Variants in BCL2L13 observed in about 807,000 individuals in gnomAD.
BCL2L13 encodes the protein BCL2 like 13.
A neutral mutation model predicts 25.8 loss-of-function variants in BCL2L13; 13 were observed. That is an observed-to-expected ratio of 0.50 (90% CI 0.33 to 0.80). The LOEUF (loss-of-function observed/expected upper bound fraction) is 0.80. BCL2L13 is among the 30% of genes least tolerant of loss of function. The pLI is 0.02. For synonymous variants in BCL2L13, 244 were observed against 230.3 expected, an observed-to-expected ratio of 1.06 and a Z score of -0.54; for missense variants, 504 against 574.9, an observed-to-expected ratio of 0.88 and a Z score of 1.26.
In BCL2L13 at chr22:17,727,857, G is replaced by T; in HGVS notation, c.*323G>T. 2.9e-6 allele frequency: 1 copy of T among 338,992 alleles called. No individual in the cohort carries two copies. Among genetic ancestry groups the T allele is most frequent in the Non-Finnish European group, 5.5e-6 (1 of 181,528 alleles). The allele number at this position is 338,992 out of a possible 1,614,324, so 21.0% of individuals were successfully genotyped here. A position where few individuals can be genotyped will look rare whatever the true frequency, so the allele number is the denominator to read the frequency against. On this transcript the variant is annotated 3_prime_UTR_variant, in exon 7 of 7. Transcript: ENST00000317582. ...GTGTTGGGGCTGTCCTGTGTGTGGTGGGCTCCACCCACTAGATGCCAGTGG... is the reference window on the plus strand; with the variant it reads ...GTGTTGGGGCTGTCCTGTGTGTGGTTGGCTCCACCCACTAGATGCCAGTGG...
chr22:17,645,224 GATT>G (rs1195141990), intron 1 of BCL2L13, among the ~76,000 whole-genome samples: 1 of 124,034 alleles, frequency 8.1e-6, no homozygotes, highest in Non-Finnish European at 1.6e-5. Flanking sequence ...CTAATAGTAG[GATT>G]TTTTTTTTTT....
chr22:17,687,796 C>T (rs1034401933), intron 3 of BCL2L13, among the ~76,000 whole-genome samples: 11 of 149,258 alleles, frequency 7.4e-5, no homozygotes, highest in African/African-American at 2.7e-4. Context: ...GGATTACAGG[C>T]GTGAGCCACC....
At chr22:17,651,669 C>T (rs1431302333) in intron 1 of BCL2L13, among the ~76,000 whole-genome samples, 1 of 151,618 alleles carries the variant, frequency 6.6e-6, no homozygotes, top group African/African-American at 2.4e-5. Context: ...AGGCGTGAGC[C>T]ACTGCGTCCA....
intron 1 of BCL2L13, among the ~76,000 whole-genome samples, chr22:17,651,224 T>A (rs2058673692): frequency 6.6e-6 from 1 of 151,774 alleles, no homozygotes. Flanking sequence ...GGTCTTGAAC[T>A]CCTGACCTCG....
chr22:17,684,632 C>T (rs768817477), intron 3 of BCL2L13: 32 of 452,256 alleles, frequency 7.1e-5, no homozygotes, highest in South Asian at 1.2e-4. Context: ...GGCACCATCT[C>T]GGCCCACCAC....
At position 17,729,408 on chromosome 22, in the gene BCL2L13, C is replaced by T. The variant is rs981984802; in HGVS notation, c.*1874C>T. The T allele has an allele frequency of 1.3e-5, 2 of 152,084 alleles. No homozygotes were observed. Among genetic ancestry groups the T allele is most frequent in the African/African-American group, 2.4e-5 (1 of 41,402 alleles). 9.4% of individuals were successfully genotyped at this position (152,084 alleles called of 1,614,324 possible). A position where few individuals can be genotyped will look rare whatever the true frequency, so the allele number is the denominator to read the frequency against. On this transcript the variant is annotated 3_prime_UTR_variant, in exon 7 of 7. Transcript: ENST00000317582. ...GCAATGATTTTTTTCTTCATGGGCTCTGATAGTTGCATTGATTGTTCTGTA... is the reference window on the plus strand; with the variant it reads ...GCAATGATTTTTTTCTTCATGGGCTTTGATAGTTGCATTGATTGTTCTGTA...
intron 2 of BCL2L13, among the ~76,000 whole-genome samples, chr22:17,657,823 CTTTTTTTTTTT>C (rs71201859): frequency 3.5e-5 from 3 of 85,772 alleles, no homozygotes; most frequent in African/African-American, 4.4e-5. Context: ...GTTGACATTT[CTTTTTTTTTTT>C]TTTTTTTTTT....
intron 2 of BCL2L13, among the ~76,000 whole-genome samples, chr22:17,680,103 A>G (rs1443734714): frequency 6.7e-6 from 1 of 150,368 alleles, no homozygotes; most frequent in Non-Finnish European, 1.5e-5. Flanking sequence ...AATTCCAGCT[A>G]CTCGGGAGGG....
chr22:17,630,818 C>G (rs934496561), intron 1 of BCL2L13, among the ~76,000 whole-genome samples: 1 of 151,174 alleles, frequency 6.6e-6, no homozygotes, highest in African/African-American at 2.4e-5. Context: ...CTTGAACTCC[C>G]GACCTCAGGT....
chr22:17,688,037 C>T (rs1456436502), intron 3 of BCL2L13, among the ~76,000 whole-genome samples: 2 of 151,794 alleles, frequency 1.3e-5, no homozygotes, highest in African/African-American at 2.4e-5. Context: ...AAGCTGGTCT[C>T]GAACTCCTGA....
intron 2 of BCL2L13, among the ~76,000 whole-genome samples, chr22:17,671,402 A>G (rs1275787103): frequency 5.3e-5 from 8 of 150,346 alleles, no homozygotes; most frequent in African/African-American, 2.0e-4. Flanking sequence ...TCAAAAAAAA[A>G]AAAAAAAAAA....
intron 2 of BCL2L13, among the ~76,000 whole-genome samples, chr22:17,666,324 G>T (rs1056351151): frequency 1.3e-5 from 2 of 151,982 alleles, no homozygotes; most frequent in African/African-American, 4.8e-5. Flanking sequence ...AGGGAATGGG[G>T]TATCCGTCCC....
At chr22:17,641,868 C>T (rs1277049107) in intron 1 of BCL2L13, among the ~76,000 whole-genome samples, 3 of 148,914 alleles carry the variant, frequency 2.0e-5, no homozygotes, top group Admixed American at 1.4e-4. Flanking sequence ...GGTGCCATCT[C>T]GACTCACTGC....
chr22:17,645,131 C>T (rs926103854), intron 1 of BCL2L13, among the ~76,000 whole-genome samples: 2 of 150,686 alleles, frequency 1.3e-5, no homozygotes, highest in African/African-American at 2.5e-5. Context: ...TTTAAATAGG[C>T]ATCCAAAGTA....
At position 17,696,224 on chromosome 22, in the gene BCL2L13, G is replaced by A. The variant is rs761633953; in HGVS notation, c.456+14G>A. 1 of 1,607,932 alleles carries A rather than the reference G, an allele frequency of 6.2e-7. No homozygotes were observed. Among genetic ancestry groups the A allele is most frequent in the African/African-American group, 1.3e-5 (1 of 74,940 alleles). ...GGCTGGAATAAGGTATCATCACAAT[G>A]ATCTTTTCTCTTAAAAGATTTTAGT... On this transcript the variant is annotated intron_variant, in intron 5 of 6. Transcript: ENST00000317582.
intron 2 of BCL2L13, among the ~76,000 whole-genome samples, chr22:17,671,481 C>T (rs111834265): frequency 6.7e-6 from 1 of 149,836 alleles, no homozygotes; most frequent in African/African-American, 2.5e-5. Context: ...GCAGGGGAAT[C>T]GCTTGAACCT....
intron 5 of BCL2L13, among the ~76,000 whole-genome samples, chr22:17,698,651 C>T (rs1043973435): frequency 4.6e-5 from 7 of 151,318 alleles, no homozygotes; most frequent in African/African-American, 1.7e-4. Flanking sequence ...ATGGCTTGAG[C>T]CTGGGAGGTG....
At chr22:17,719,926 GA>G (rs1452231130) in intron 6 of BCL2L13, among the ~76,000 whole-genome samples, 3 of 151,610 alleles carry the variant, frequency 2.0e-5, no homozygotes, top group Non-Finnish European at 2.9e-5. Flanking sequence ...GCCAGATACA[GA>G]AGGCTATATT....
chr22:17,721,525 ATTT>A (rs3044620), intron 6 of BCL2L13, among the ~76,000 whole-genome samples: 1 of 122,774 alleles, frequency 8.1e-6, no homozygotes, highest in Non-Finnish European at 1.6e-5. Flanking sequence ...CTTATAAGAA[ATTT>A]TTTTTTTTTT....
Sources: allele counts gnomAD v4.1 joint callset (sites outside exome capture counted in the v4.1 genomes callset), GRCh38; gene constraint gnomAD v4.1.1; transcripts MANE v1.5; gene names NCBI Gene and HGNC (gene_info 2026-07-23, HGNC 2026-07-21).